Variants in SPATA6 observed in about 807,000 individuals in gnomAD.
The protein encoded by SPATA6 is spermatogenesis-associated protein 6.
In SPATA6, 56 loss-of-function variants were observed where a neutral mutation model predicts 65.3. The observed-to-expected ratio is 0.86, with a 90% CI of 0.69 to 1.07. SPATA6 has a LOEUF of 1.07. Ranked by LOEUF, SPATA6 falls within the 50% of genes least tolerant of loss-of-function variation. The pLI is 0.00. For synonymous variants in SPATA6, 199 were observed against 213.2 expected, an observed-to-expected ratio of 0.93 and a Z score of 0.58; for missense variants, 590 against 594.8, an observed-to-expected ratio of 0.99 and a Z score of 0.08.
At chr1:48,316,614 A>G (rs1021763129) in intron 11 of SPATA6, among the ~76,000 whole-genome samples, 6 of 152,174 alleles carry the variant, frequency 3.9e-5, no homozygotes, top group Non-Finnish European at 5.9e-5. Context: ...TTCAGGACAT[A>G]GGCATGAGCA....
At chr1:48,321,506 GAGCAACCAGATATATAA>G (rs1381681704) in intron 11 of SPATA6, among the ~76,000 whole-genome samples, 1 of 152,006 alleles carries the variant, frequency 6.6e-6, no homozygotes, top group African/African-American at 2.4e-5. Context: ...TCCAACATTG[GAGCAACCAGATATATAA>G]AGCAAATATT....
At position 48,355,667 on chromosome 1, in the gene SPATA6, A is replaced by C; in HGVS notation, c.1194+3T>G. Reference sequence around the variant, plus strand: ...TCTTCAAAAAAAAATTTTAGAAACTAACATATAAATGTCTTTGATGAGCCT... The same window carrying C: ...TCTTCAAAAAAAAATTTTAGAAACTCACATATAAATGTCTTTGATGAGCCT... On this transcript the variant is annotated splice_donor_region_variant and intron_variant, in intron 11 of 12. Coordinates refer to ENST00000371847, the MANE Select transcript of SPATA6 (RefSeq NM_019073.4). 6.3e-7 allele frequency: 1 copy of C among 1,599,806 alleles called. No homozygotes were observed. The highest frequency in any genetic ancestry group is 8.5e-7 in the Non-Finnish European group (1 of 1,172,250).
intron 3 of SPATA6, among the ~76,000 whole-genome samples, chr1:48,420,016 T>C (rs1653170782): frequency 6.6e-6 from 1 of 152,128 alleles, no homozygotes; most frequent in Non-Finnish European, 1.5e-5. Flanking sequence ...ATGGGCCTGG[T>C]CACTGGAAAG....
chr1:48,461,003 C>A (rs1293152140), intron 1 of SPATA6, among the ~76,000 whole-genome samples: 1 of 151,588 alleles, frequency 6.6e-6, no homozygotes. Context: ...TTAAGAAACA[C>A]TGAGAATAGA....
At position 48,385,354 on chromosome 1, in the gene SPATA6, A is replaced by G; in HGVS notation, c.869-5T>C. The stretch of plus-strand genomic sequence containing the variant: ...AGCAGCCAAGATGAGAATGATCTGA[A>G]AAAGGAAGTACAAAACAATTAAAGT... On this transcript the variant is annotated splice_polypyrimidine_tract_variant and splice_region_variant and intron_variant, in intron 8 of 12. Coordinates refer to ENST00000371847, the MANE Select transcript of SPATA6 (RefSeq NM_019073.4). 6.2e-7 allele frequency: 1 copy of G among 1,608,558 alleles called. No individual in the cohort carries two copies. Among genetic ancestry groups the G allele is most frequent in the Non-Finnish European group, 8.5e-7 (1 of 1,178,032 alleles).
intron 5 of SPATA6, among the ~76,000 whole-genome samples, chr1:48,406,010 T>G (rs2147958180): frequency 6.6e-6 from 1 of 152,172 alleles, no homozygotes; most frequent in African/African-American, 2.4e-5. Context: ...GTGTAGTTCC[T>G]TATGTACAGC....
intron 11 of SPATA6, among the ~76,000 whole-genome samples, chr1:48,341,036 A>T (rs1433203444): frequency 2.6e-5 from 4 of 152,190 alleles, no homozygotes; most frequent in Admixed American, 2.0e-4. Flanking sequence ...ATCAATTCAC[A>T]CCCTGTGGAA....
intron 3 of SPATA6, among the ~76,000 whole-genome samples, chr1:48,426,460 A>G (rs1653847629): frequency 2.0e-5 from 3 of 152,150 alleles, no homozygotes; most frequent in Admixed American, 2.0e-4. Flanking sequence ...AGGGAATAGA[A>G]TAAAACTTGA....
chr1:48,444,679 T>A (rs1655846619), intron 3 of SPATA6, among the ~76,000 whole-genome samples: 1 of 152,184 alleles, frequency 6.6e-6, no homozygotes, highest in Admixed American at 6.5e-5. Context: ...CCCGCTCAGG[T>A]CCCCTTCCAT....
chr1:48,348,769 T>C (rs1646438434), intron 11 of SPATA6, among the ~76,000 whole-genome samples: 1 of 152,038 alleles, frequency 6.6e-6, no homozygotes, highest in African/African-American at 2.4e-5. Context: ...TATTTCTGAA[T>C]CAATCTATTT....
At chr1:48,380,029 C>T (rs568730421) in intron 9 of SPATA6, among the ~76,000 whole-genome samples, 1 of 152,036 alleles carries the variant, frequency 6.6e-6, no homozygotes, top group African/African-American at 2.4e-5. Flanking sequence ...CATGTTGTAC[C>T]ATAAGTACAT....
intron 6 of SPATA6, chr1:48,402,760 T>G (rs528629983): frequency 6.6e-6 from 1 of 152,296 alleles, no homozygotes; most frequent in African/African-American, 2.4e-5. Context: ...GCTTTACATA[T>G]TATTGGCTCT....
chr1:48,283,697 A>AAAAAGAAAG, the SPATA6 span, among the ~76,000 whole-genome samples: 1 of 12,012 alleles, frequency 8.3e-5, no homozygotes, highest in African/African-American at 1.8e-4. Context: ...AAAAAAAAAA[A>AAAAAGAAAG]AAAGAAAGAA....
intron 11 of SPATA6, among the ~76,000 whole-genome samples, chr1:48,311,746 A>G (rs1363814441): frequency 6.6e-6 from 1 of 152,174 alleles, no homozygotes; most frequent in Non-Finnish European, 1.5e-5. Flanking sequence ...CAGTGCACCG[A>G]GCGTGAGCCG....
downstream of SPATA6, among the ~76,000 whole-genome samples, chr1:48,293,866 C>G (rs1045918031): frequency 6.6e-6 from 1 of 152,152 alleles, no homozygotes; most frequent in Non-Finnish European, 1.5e-5. Flanking sequence ...CTGTTTATCT[C>G]TGGGTTATCA....
the SPATA6 span, chr1:48,262,642 CATGT>C: frequency 6.6e-6 from 1 of 152,016 alleles, no homozygotes; most frequent in African/African-American, 2.4e-5. Context: ...AAGAAATGTA[CATGT>C]ATTAATGCTA....
chr1:48,278,844 C>A, the SPATA6 span, among the ~76,000 whole-genome samples: 1 of 152,168 alleles, frequency 6.6e-6, no homozygotes. Flanking sequence ...CACAAAGATA[C>A]TCCTCGAGAA....
chr1:48,455,208 G>A (rs1656905084), intron 1 of SPATA6, among the ~76,000 whole-genome samples: 2 of 152,074 alleles, frequency 1.3e-5, no homozygotes, highest in African/African-American at 4.8e-5. Context: ...GATACAACTA[G>A]TCTAACTTAA....
chr1:48,393,207 T>C (rs976748882), intron 8 of SPATA6: 1 of 152,176 alleles, frequency 6.6e-6, no homozygotes, highest in Non-Finnish European at 1.5e-5. Context: ...TCCATCTTAA[T>C]CAAATGAGTA....
Sources: allele counts gnomAD v4.1 joint callset (sites outside exome capture counted in the v4.1 genomes callset), GRCh38; gene constraint gnomAD v4.1.1; transcripts MANE v1.5; gene names NCBI Gene and HGNC (gene_info 2026-07-23, HGNC 2026-07-21).